ONECUT3: variants seen among roughly 807,000 people sequenced by gnomAD.
The protein encoded by ONECUT3 is one cut domain family member 3.
In ONECUT3, 11 loss-of-function variants were observed where a neutral mutation model predicts 16.8. The ratio of observed to expected loss-of-function variants is 0.66; its 90% CI spans 0.41 to 1.09. The LOEUF is 1.09. Ranked by LOEUF, ONECUT3 falls within the 50% of genes least tolerant of loss-of-function variation. The pLI is 0.00. For missense variants in ONECUT3, 637 were observed against 629.9 expected (o/e 1.01, Z -0.12); for synonymous variants, 344 against 310.7 (o/e 1.11, Z -1.13).
chr19:1,774,415 C>T (rs903676882), intron 1 of ONECUT3, among the ~76,000 whole-genome samples: 1 of 71,310 alleles, frequency 1.4e-5, no homozygotes, highest in Non-Finnish European at 2.8e-5. Context: ...ACTTCCCCTC[C>T]GCAAAAAAAA....
In ONECUT3 at chr19:1,764,985, G is replaced by A. The variant is rs2067972762; in HGVS notation, c.1192+10131G>A. On this transcript the variant is annotated intron_variant, in intron 1 of 1. Transcript: ENST00000382349. The surrounding 1 kb of genome is among the most constrained non-coding windows in gnomAD (Gnocchi z 5.0). ...GCTCCCTGAAGCCAGAGGTGGCTGA[G>A]GGAGGGGATCTCCAGCTCCAGGACA... Among the ~76,000 whole-genome samples, 1 of 151,606 alleles carries A rather than the reference G, an allele frequency of 6.6e-6. No homozygotes were observed. Among genetic ancestry groups the A allele is most frequent in the Non-Finnish European group, 1.5e-5 (1 of 68,014 alleles).
rs2067902625 is a variant in ONECUT3, at chr19:1,754,009, C to T, written c.347C>T (p.Pro116Leu). 2 of 993,418 alleles carry T rather than the reference C, an allele frequency of 2.0e-6. No individual in the cohort carries two copies. The highest frequency in any genetic ancestry group is 4.5e-5 in the South Asian group (1 of 22,238). The allele number at this position is 993,418 out of a possible 1,614,324, so 61.5% of individuals were successfully genotyped here. A position where few individuals can be genotyped will look rare whatever the true frequency, so the allele number is the denominator to read the frequency against. Residue 116 changes from proline (P) to leucine (L), a missense_variant, in exon 1 of 2, where the codon CCG (proline) becomes CTG (leucine). By Grantham distance (98) the Pro-to-Leu change is moderately conservative (BLOSUM62 -3). Coordinates refer to ENST00000382349, the MANE Select transcript of ONECUT3 (RefSeq NM_001080488.2). This position sits in a 1 kb window ranked among gnomAD's most constrained non-coding sequence, Gnocchi z 7.4. ...TTLTPLQHLP[P>L]LAAVADKFHQ... is the part of the protein sequence containing the mutation. ...CTCACGCCCCTGCAGCACCTGCCGCCGCTCGCGGCCGTGGCCGACAAGTTC... is the reference window on the plus strand; with the variant it reads ...CTCACGCCCCTGCAGCACCTGCCGCTGCTCGCGGCCGTGGCCGACAAGTTC...
chr19:1,775,180 A>G lies in ONECUT3; in HGVS notation c.1220A>G (p.Gln407Arg), dbSNP rs933236544. The G allele has an allele frequency of 6.3e-6, 9 of 1,430,624 alleles. No individual in the cohort carries two copies. Among genetic ancestry groups the G allele is most frequent in the Non-Finnish European group, 8.4e-6 (9 of 1,070,602 alleles). The allele number at this position is 1,430,624 out of a possible 1,614,324, so 88.6% of individuals were successfully genotyped here. A position where few individuals can be genotyped will look rare whatever the true frequency, so the allele number is the denominator to read the frequency against. ...TGCAAGCGCAAGGAACAGGAGCAGC[A>G]GAAGGAGCGCGCCCTGCAGCCCAAG... ...AACKRKEQEQQKERALQPKKQ... is the reference protein window; with the variant it reads ...AACKRKEQEQRKERALQPKKQ... The change falls in exon 2 of 2, where the codon CAG (glutamine) becomes CGG (arginine). Residue 407 changes from glutamine (Q) to arginine (R), a missense_variant. Transcript: ENST00000382349.
At position 1,777,282 on chromosome 19, in the gene ONECUT3, G is replaced by GAC. The variant is rs2068118200; in HGVS notation, c.*1843_*1844dup. ...CACCGCACCTCTCTACCCCCCCACA[G>GAC]ACACACATGCAGACACACACATGCA... On this transcript the variant is annotated 3_prime_UTR_variant, in exon 2 of 2. Transcript: ENST00000382349. 1.3e-5 allele frequency: 2 copies of GAC among 151,480 alleles called. No homozygotes were observed. Among genetic ancestry groups the GAC allele is most frequent in the Non-Finnish European group, 3.0e-5 (2 of 67,586 alleles). The allele number at this position is 151,480 out of a possible 1,614,324, so 9.4% of individuals were successfully genotyped here.
rs2067912162 is a variant in ONECUT3 at position 1,755,523 on chromosome 19, C to T, written c.1192+669C>T. ...GGGGCGGCCCCGGGGACCCTCGGCCCGCGCCGCCCGGAGGCCTTCACACCC... is the reference window on the plus strand; with the variant it reads ...GGGGCGGCCCCGGGGACCCTCGGCCTGCGCCGCCCGGAGGCCTTCACACCC... On this transcript the variant is annotated intron_variant, in intron 1 of 1. Transcript: ENST00000382349. The surrounding 1 kb of genome is among the most constrained non-coding windows in gnomAD (Gnocchi z 7.5). 6.6e-6 allele frequency among the ~76,000 whole-genome samples: 1 copy of T among 151,932 alleles called. No individual in the cohort carries two copies. Among genetic ancestry groups the T allele is most frequent in the African/African-American group, 2.4e-5 (1 of 41,368 alleles).
At chr19:1,760,660 G>A (rs1176799768) in intron 1 of ONECUT3, among the ~76,000 whole-genome samples, 1 of 151,532 alleles carries the variant, frequency 6.6e-6, no homozygotes, top group Admixed American at 6.6e-5. Context: ...ATGGGCGGTG[G>A]GGGGGGGCCA....
At chr19:1,775,126 G>GGGCCCCCCCCCCCCCCCCCCCCCCCCCCC in intron 1 of ONECUT3, 27 bp from the exon 2 acceptor site, 1 of 1,143,900 alleles carries the variant, frequency 8.7e-7, no homozygotes, top group Non-Finnish European at 1.2e-6. Flanking sequence ...TGTCCCGCTC[G>GGGCCCCCCCCCCCCCCCCCCCCCCCCCCC]CCCGCCCGCC....
At position 1,755,946 on chromosome 19, in the gene ONECUT3, A is replaced by T. The variant is rs1168561016; in HGVS notation, c.1192+1092A>T. On this transcript the variant is annotated intron_variant, in intron 1 of 1. Coordinates refer to ENST00000382349, the MANE Select transcript of ONECUT3 (RefSeq NM_001080488.2). The surrounding 1 kb of genome is among the most constrained non-coding windows in gnomAD (Gnocchi z 7.5). ...GTTTCTTTCCCTGGTGGTGCTGGGGAGGGGGCTGTCCACCCGGGCCACAGG... is the reference window on the plus strand; with the variant it reads ...GTTTCTTTCCCTGGTGGTGCTGGGGTGGGGGCTGTCCACCCGGGCCACAGG... 6.6e-6 allele frequency among the ~76,000 whole-genome samples: 1 copy of T among 151,832 alleles called. No individual in the cohort carries two copies. Among genetic ancestry groups the T allele is most frequent in the Non-Finnish European group, 1.5e-5 (1 of 67,938 alleles).
At chr19:1,767,383 A>G (rs2068001969) in intron 1 of ONECUT3, among the ~76,000 whole-genome samples, 1 of 152,094 alleles carries the variant, frequency 6.6e-6, no homozygotes, top group Non-Finnish European at 1.5e-5. Context: ...GGCAGGGCCC[A>G]AGAGGGCAGC....
Position 1,775,683 on chromosome 19 carries a change from C to T in ONECUT3, c.*238C>T, listed in dbSNP as rs553411398. ...CTCCAGGCCAAAGGAAGCCCTCCACCCCCCCCCGGAGGGGAGGGAGTGACA... is the reference window on the plus strand; with the variant it reads ...CTCCAGGCCAAAGGAAGCCCTCCACTCCCCCCCGGAGGGGAGGGAGTGACA... On this transcript the variant is annotated 3_prime_UTR_variant, in exon 2 of 2. Coordinates refer to ENST00000382349, the MANE Select transcript of ONECUT3 (RefSeq NM_001080488.2). The T allele has an allele frequency of 1.5e-5, 5 of 337,592 alleles. No individual in the cohort carries two copies. The highest frequency in any genetic ancestry group is 2.1e-5 in the Non-Finnish European group (4 of 194,808). The allele number at this position is 337,592 out of a possible 1,614,324, so 20.9% of individuals were successfully genotyped here.
intron 1 of ONECUT3, among the ~76,000 whole-genome samples, chr19:1,770,484 TAAAGCTCTTGACAC>T (rs935608986): frequency 6.6e-6 from 1 of 152,216 alleles, no homozygotes; most frequent in African/African-American, 2.4e-5. Context: ...CAGATACATA[TAAAGCTCTTGACAC>T]AAAGCTCTTG....
At chr19:1,760,980 A>G (rs1005475704) in intron 1 of ONECUT3, among the ~76,000 whole-genome samples, 2 of 150,074 alleles carry the variant, frequency 1.3e-5, no homozygotes, top group Non-Finnish European at 2.9e-5. Context: ...TTACCACTCT[A>G]GTCTAAACCA....
At position 1,761,608 on chromosome 19, in the gene ONECUT3, C is replaced by T. The variant is rs530540803; in HGVS notation, c.1192+6754C>T. 6.4e-3 allele frequency among the ~76,000 whole-genome samples: 975 copies of T among 152,330 alleles called. 4 individuals carry two copies. Among genetic ancestry groups the T allele is most frequent in the Non-Finnish European group, 0.011 (756 of 68,024 alleles). Reference sequence around the variant, plus strand: ...TCCTGAGCAGCTGTTAGGAGGGAGGCTGAGCCGGGCAGGTAGCCCGGCTTA... The same window carrying T: ...TCCTGAGCAGCTGTTAGGAGGGAGGTTGAGCCGGGCAGGTAGCCCGGCTTA... On this transcript the variant is annotated intron_variant, in intron 1 of 1. Coordinates refer to ENST00000382349, the MANE Select transcript of ONECUT3 (RefSeq NM_001080488.2).
chr19:1,772,651 G>A (rs1305375737), intron 1 of ONECUT3, among the ~76,000 whole-genome samples: 1 of 143,554 alleles, frequency 7.0e-6, no homozygotes, highest in Non-Finnish European at 1.5e-5. Flanking sequence ...CTTTGCAGCT[G>A]CTTGTGTTCC....
chr19:1,775,048 C>T (rs1025077333), intron 1 of ONECUT3, 105 bp from the exon 2 acceptor site: 6 of 687,676 alleles, frequency 8.7e-6, no homozygotes, highest in Non-Finnish European at 1.4e-5. Context: ...GTCCCTTCTC[C>T]CCTCCTCCTC....
Position 1,775,479 on chromosome 19 carries a change from G to C in ONECUT3, c.*34G>C, listed in dbSNP as rs988227883. On this transcript the variant is annotated 3_prime_UTR_variant, in exon 2 of 2. Transcript: ENST00000382349. ...GGCCCCGCGCCCTCCCTGCCTCCAC[G>C]GCCTGGGCGCTGTGCCCCCACGTCA... The C allele has an allele frequency of 9.1e-6, 13 of 1,429,210 alleles. No homozygotes were observed. The highest frequency in any genetic ancestry group is 1.0e-5 in the Non-Finnish European group (11 of 1,099,744). 88.5% of individuals were successfully genotyped at this position (1,429,210 alleles called of 1,614,324 possible). A position where few individuals can be genotyped will look rare whatever the true frequency, so the allele number is the denominator to read the frequency against.
At position 1,775,250 on chromosome 19, in the gene ONECUT3, C is replaced by G. The variant is rs762061423; in HGVS notation, c.1290C>G (p.Ile430Met). Residue 430 changes from isoleucine to methionine, a missense_variant, in exon 2 of 2, where the codon ATC (isoleucine) becomes ATG (methionine). Physicochemically the swap from Ile to Met is conservative, Grantham distance 10 (BLOSUM62 1). This residue lies in a region of ONECUT3 where 183 missense variants were observed against 188.3 expected (regional missense o/e 0.97). Coordinates refer to ENST00000382349, the MANE Select transcript of ONECUT3 (RefSeq NM_001080488.2). The part of the protein sequence containing the change: ...VFTDLQRRTL[I>M]AIFKENKRPS... ...CCGACCTGCAGCGACGCACGCTGAT[C>G]GCCATCTTCAAGGAGAACAAGCGGC... The G allele has an allele frequency of 1.3e-6, 2 of 1,596,710 alleles. No individual in the cohort carries two copies.
chr19:1,754,930 C>CTCTG lies in ONECUT3; in HGVS notation c.1192+76_1192+77insTCTG. The stretch of plus-strand genomic sequence containing the variant: ...CCCGAGCACCTAGCGGGGCGGCGGC[C>CTCTG]GATGCCCGGGGCCAGCGCCCCAAGC... On this transcript the variant is annotated intron_variant, in intron 1 of 1. Coordinates refer to ENST00000382349, the MANE Select transcript of ONECUT3 (RefSeq NM_001080488.2). The surrounding 1 kb of genome is among the most constrained non-coding windows in gnomAD (Gnocchi z 7.4). The CTCTG allele has an allele frequency of 7.8e-7, 1 of 1,281,684 alleles. No homozygotes were observed. Among genetic ancestry groups the CTCTG allele is most frequent in the South Asian group, 2.3e-5 (1 of 43,376 alleles). The allele number at this position is 1,281,684 out of a possible 1,614,324, so 79.4% of individuals were successfully genotyped here.
chr19:1,754,338 G>A lies in ONECUT3; in HGVS notation c.676G>A (p.Ala226Thr), dbSNP rs1196462665. The stretch of plus-strand genomic sequence containing the variant: ...GCCGCCGCCACCACCCCCGCCGCTG[G>A]CCGCCTACGGCCCGCCAGGCCACCT... ...PPPPPPPPPL[A>T]AYGPPGHLAG... The change falls in exon 1 of 2, where the codon GCC becomes ACC. Residue 226 changes from alanine (A) to threonine (T), a missense_variant. Ala to Thr is a moderately conservative substitution (Grantham distance 58). Coordinates refer to ENST00000382349, the MANE Select transcript of ONECUT3 (RefSeq NM_001080488.2). This position sits in a 1 kb window ranked among gnomAD's most constrained non-coding sequence, Gnocchi z 7.4. 2.1e-5 allele frequency: 22 copies of A among 1,065,292 alleles called. No homozygotes were observed. Among genetic ancestry groups the A allele is most frequent in the Admixed American group, 1.0e-4 (2 of 19,196 alleles). The allele number at this position is 1,065,292 out of a possible 1,614,324, so 66.0% of individuals were successfully genotyped here. A position where few individuals can be genotyped will look rare whatever the true frequency, so the allele number is the denominator to read the frequency against.
Sources: allele counts gnomAD v4.1 joint callset (sites outside exome capture counted in the v4.1 genomes callset), GRCh38; gene constraint gnomAD v4.1.1; regional missense constraint gnomAD v4.1.1; non-coding constraint Gnocchi (gnomAD v3.1); transcripts MANE v1.5; gene names NCBI Gene and HGNC (gene_info 2026-07-23, HGNC 2026-07-21).